The following WWOX variants were observed in gnomAD, a reference collection of about 807,000 sequenced individuals.
The protein encoded by WWOX is WW domain containing oxidoreductase, also known as WW domain-containing oxidoreductase.
A neutral mutation model predicts 46.2 loss-of-function variants in WWOX; 69 were observed. The observed-to-expected ratio is 1.49, with a 90% confidence interval of 1.23 to 1.82. The LOEUF is 1.82. Among genes scored for constraint, WWOX ranks in the 40% most tolerant of loss-of-function variants. The pLI, the probability that WWOX is intolerant of heterozygous loss-of-function variation, is 0.00. For missense variants in WWOX, 919 were observed against 542.6 expected, an observed-to-expected ratio of 1.69 and a Z score of -6.89; for synonymous variants, 359 against 202.6, an observed-to-expected ratio of 1.77 and a Z score of -6.56.
At chr16:78,275,647 G>A (rs756613615) in intron 5 of WWOX, among the ~76,000 whole-genome samples, 10 of 152,214 alleles carry the variant, frequency 6.6e-5, no homozygotes, top group African/African-American at 2.4e-4. Context: ...CATGAGTCAC[G>A]TGTTCTGCCC....
intron 5 of WWOX, among the ~76,000 whole-genome samples, chr16:78,205,376 C>A (rs1480195681): frequency 6.7e-6 from 1 of 149,918 alleles, no homozygotes; most frequent in Non-Finnish European, 1.5e-5. Flanking sequence ...GTTCATACAT[C>A]CTTTCATTCT....
intron 8 of WWOX, among the ~76,000 whole-genome samples, chr16:78,534,013 A>T (rs555846672): frequency 6.6e-6 from 1 of 152,310 alleles, no homozygotes; most frequent in East Asian, 1.9e-4. Flanking sequence ...AGGATGAATG[A>T]GTGATGGGTA....
rs192568290 is a variant in WWOX at position 79,159,338 on chromosome 16, C to T, written c.1057-52270C>T. On this transcript the variant is annotated intron_variant, in intron 8 of 8. Coordinates refer to ENST00000566780, the MANE Select transcript of WWOX (RefSeq NM_016373.4). Reference sequence around the variant, plus strand: ...ATAAAGCAGTGTTAAATTTATTAATCATTTAATTAGCTAAATGTTCCTGCA... The same window carrying T: ...ATAAAGCAGTGTTAAATTTATTAATTATTTAATTAGCTAAATGTTCCTGCA... Among the ~76,000 whole-genome samples, 165 of 152,240 alleles carry T rather than the reference C, an allele frequency of 1.1e-3. 1 individual carries two copies. Among genetic ancestry groups the T allele is most frequent in the African/African-American group, 3.7e-3 (155 of 41,540 alleles).
chr16:78,594,044 C>A (rs572363947), intron 8 of WWOX, among the ~76,000 whole-genome samples: 1 of 152,040 alleles, frequency 6.6e-6, no homozygotes, highest in Non-Finnish European at 1.5e-5. Flanking sequence ...TATCGTGAGG[C>A]GGAGATGTGA....
intron 8 of WWOX, among the ~76,000 whole-genome samples, chr16:78,922,984 C>CTTTTTTTG (rs1555569184): frequency 7.1e-6 from 1 of 141,530 alleles, no homozygotes; most frequent in Non-Finnish European, 1.5e-5. Flanking sequence ...TTTCTCTTTT[C>CTTTTTTTG]TTTTTTTTTT....
chr16:78,972,490 G>T (rs903642190), intron 8 of WWOX, among the ~76,000 whole-genome samples: 1 of 149,378 alleles, frequency 6.7e-6, no homozygotes. Flanking sequence ...AAAAATAAAA[G>T]AACCTGAAGC....
At chr16:78,573,318 T>C (rs1011969442) in intron 8 of WWOX, among the ~76,000 whole-genome samples, 1 of 152,126 alleles carries the variant, frequency 6.6e-6, no homozygotes. Flanking sequence ...CAAAAAAGGT[T>C]TAAGAAATGT....
intron 8 of WWOX, among the ~76,000 whole-genome samples, chr16:78,821,920 C>G (rs767784700): frequency 2.2e-4 from 34 of 152,130 alleles, no homozygotes; most frequent in Admixed American, 6.5e-5. Context: ...CACTGTGTTG[C>G]TCAGGCTAGA....
intron 8 of WWOX, among the ~76,000 whole-genome samples, chr16:79,083,772 G>A (rs144928304): frequency 1.8e-3 from 268 of 152,280 alleles, no homozygotes; most frequent in Non-Finnish European, 2.8e-3. Flanking sequence ...GTGGAGCTCC[G>A]GAGTTCCCAT....
chr16:78,752,034 A>G (rs1597548219), intron 8 of WWOX, among the ~76,000 whole-genome samples: 1 of 152,222 alleles, frequency 6.6e-6, no homozygotes, highest in South Asian at 2.1e-4. Context: ...GAGAGAGACG[A>G]CACAAAATTC....
chr16:78,975,351 G>A (rs1367348187), intron 8 of WWOX, among the ~76,000 whole-genome samples: 3 of 152,046 alleles, frequency 2.0e-5, no homozygotes, highest in African/African-American at 7.2e-5. Context: ...GGGGATAGTG[G>A]TTAACATCCT....
intron 5 of WWOX, among the ~76,000 whole-genome samples, chr16:78,180,789 A>G (rs181216829): frequency 4.8e-4 from 73 of 152,276 alleles, no homozygotes; most frequent in Non-Finnish European, 5.4e-4. Context: ...TGTTAGGGCT[A>G]GCAGGTAAAC....
chr16:78,383,738 C>G (rs894755507), intron 5 of WWOX, among the ~76,000 whole-genome samples: 1 of 152,180 alleles, frequency 6.6e-6, no homozygotes, highest in African/African-American at 2.4e-5. Flanking sequence ...CCTCCAGTTT[C>G]TCTCCATTTC....
chr16:78,689,163 C>T (rs1055055958), intron 8 of WWOX, among the ~76,000 whole-genome samples: 8 of 152,200 alleles, frequency 5.3e-5, no homozygotes, highest in Admixed American at 6.5e-5. Context: ...CCACCCTCTA[C>T]TTCCACCCCA....
intron 8 of WWOX, among the ~76,000 whole-genome samples, chr16:79,202,163 CATT>C (rs1271537560): frequency 2.0e-5 from 3 of 152,120 alleles, no homozygotes; most frequent in Non-Finnish European, 4.4e-5. Flanking sequence ...TCGTGCCAGA[CATT>C]ATATGGGCCA....
At chr16:78,164,388 T>TG in intron 5 of WWOX, 99 bp downstream of exon 5, 1 of 1,035,500 alleles carries the variant, frequency 9.7e-7, no homozygotes, top group African/African-American at 1.6e-5. Flanking sequence ...TTATTGCTCT[T>TG]GGAATCATGT....
At chr16:78,843,783 T>C (rs1014409092) in intron 8 of WWOX, among the ~76,000 whole-genome samples, 1 of 152,182 alleles carries the variant, frequency 6.6e-6, no homozygotes, top group Non-Finnish European at 1.5e-5. Flanking sequence ...AAAAGCAATT[T>C]ATTATGTTTT....
At chr16:78,447,762 A>G (rs996486411) in intron 8 of WWOX, among the ~76,000 whole-genome samples, 1 of 152,212 alleles carries the variant, frequency 6.6e-6, no homozygotes, top group Non-Finnish European at 1.5e-5. Flanking sequence ...CTTTGTTCTA[A>G]GCTACTTAGC....
chr16:78,418,003 C>A (rs1420613990), intron 6 of WWOX, among the ~76,000 whole-genome samples: 1 of 152,186 alleles, frequency 6.6e-6, no homozygotes, highest in South Asian at 2.1e-4. Flanking sequence ...CTTCAAACAA[C>A]AACAGTGATT....
Sources: gnomAD v4.1 joint callset for allele counts (sites outside exome capture counted in the v4.1 genomes callset) on GRCh38, gnomAD v4.1.1 for gene constraint, MANE v1.5 for transcripts, NCBI Gene and HGNC (gene_info 2026-07-23, HGNC 2026-07-21) for gene names.